MTR: variants seen among roughly 807,000 people sequenced by gnomAD.
MTR encodes methionine synthase.
MTR carries 84 observed loss-of-function variants against 154.8 expected under a neutral mutation model. That is an observed-to-expected ratio of 0.54 (90% CI 0.45 to 0.65). The LOEUF (loss-of-function observed/expected upper bound fraction) is 0.65, where lower values mean the gene tolerates loss of function less well. Ranked by LOEUF, MTR falls within the 30% of genes least tolerant of loss-of-function variation. The pLI, the probability that MTR is intolerant of heterozygous loss-of-function variation, is 0.00. For synonymous variants in MTR, 554 were observed against 553.9 expected, an observed-to-expected ratio of 1.00 and a Z score of 0.00; for missense variants, 1,275 against 1,570.2, an observed-to-expected ratio of 0.81 and a Z score of 3.18.
At chr1:236,861,006 T>C (rs1664502938) in intron 19 of MTR, 119 bp from the exon 20 acceptor site, 2 of 852,906 alleles carry the variant, frequency 2.3e-6, no homozygotes, top group South Asian at 1.7e-5. Flanking sequence ...TGCACTCTGC[T>C]TCTGGAACCT....
chr1:236,835,471 G>C, intron 13 of MTR, 76 bp from the exon 14 acceptor site: 1 of 1,569,832 alleles, frequency 6.4e-7, no homozygotes, highest in Non-Finnish European at 8.8e-7. Context: ...GCTGGGAAGG[G>C]TAAGGAATTA....
At chr1:236,869,553 C>G (rs956860670) in intron 22 of MTR, among the ~76,000 whole-genome samples, 8 of 152,190 alleles carry the variant, frequency 5.3e-5, no homozygotes, top group African/African-American at 1.9e-4. Flanking sequence ...CCGTAACATT[C>G]ATTTTTATTC....
At chr1:236,862,094 C>T (rs934826363) in intron 20 of MTR, 142 bp from the exon 21 acceptor site, 3 of 754,666 alleles carry the variant, frequency 4.0e-6, no homozygotes, top group Non-Finnish European at 2.4e-6. Context: ...ATCCTTTGTT[C>T]TGCCTACTGT....
chr1:236,795,664 T>G lies in MTR; in HGVS notation c.-40T>G, dbSNP rs546758701. ...GTCGTCACCTGTGGAGAGCACGTCT[T>G]CTCTGCCGCGCCCTCTGCGCAAGGA... is the stretch of plus-strand genomic sequence containing the variant. On this transcript the variant is annotated 5_prime_UTR_variant, in exon 1 of 33. Coordinates refer to ENST00000366577, the MANE Select transcript of MTR (RefSeq NM_000254.3). 5.6e-6 allele frequency: 9 copies of G among 1,613,420 alleles called. No individual in the cohort carries two copies. In the South Asian group the frequency reaches 8.8e-5, roughly 16 times the overall value.
rs1346963393 is a variant in MTR, at chr1:236,799,914, A to G, written c.35-3514A>G. 2.4e-5 allele frequency: 7 copies of G among 294,864 alleles called. No individual in the cohort carries two copies. In the East Asian group the frequency reaches 1.0e-3, roughly 44 times the overall value. The allele number at this position is 294,864 out of a possible 1,614,324, so 18.3% of individuals were successfully genotyped here. The stretch of plus-strand genomic sequence containing the variant: ...GTTTGTCAGGTTTCTGAAAAACCAA[A>G]GCAGATGTTTTTAAACAGCTTTTGA... On this transcript the variant is annotated intron_variant, in intron 1 of 32. Coordinates refer to ENST00000366577, the MANE Select transcript of MTR (RefSeq NM_000254.3).
chr1:236,851,539 C>T (rs1339992842), intron 16 of MTR, among the ~76,000 whole-genome samples: 1 of 152,140 alleles, frequency 6.6e-6, no homozygotes, highest in African/African-American at 2.4e-5. Context: ...ATGCACAAAA[C>T]AAGGTTATGT....
At chr1:236,884,172 T>C (rs147600431) in intron 25 of MTR, among the ~76,000 whole-genome samples, 1 of 152,318 alleles carries the variant, frequency 6.6e-6, no homozygotes, top group East Asian at 1.9e-4. Context: ...CTATGAAGAT[T>C]AGCCTCATTC....
At chr1:236,840,789 T>C (rs994790950) in intron 15 of MTR, among the ~76,000 whole-genome samples, 6 of 152,240 alleles carry the variant, frequency 3.9e-5, no homozygotes, top group African/African-American at 1.4e-4. Flanking sequence ...TCTAATTTTT[T>C]AGTAGCATGA....
chr1:236,814,798 T>C (rs866994780), intron 6 of MTR, among the ~76,000 whole-genome samples: 1 of 152,328 alleles, frequency 6.6e-6, no homozygotes, highest in Middle Eastern at 3.4e-3. Flanking sequence ...TATTCTTATA[T>C]GTTTGTTTTC....
At chr1:236,807,093 A>G (rs112705551) in intron 3 of MTR, among the ~76,000 whole-genome samples, 54 of 152,320 alleles carry the variant, frequency 3.5e-4, no homozygotes, top group African/African-American at 9.4e-4. Context: ...TTTTTTGTAT[A>G]TATACACAGA....
chr1:236,861,048 G>A lies in MTR; in HGVS notation c.2044-77G>A, dbSNP rs1572280883. 1.3e-5 allele frequency: 17 copies of A among 1,278,078 alleles called. No homozygotes were observed. In the East Asian group the frequency reaches 4.3e-4, roughly 32 times the overall value. The allele number at this position is 1,278,078 out of a possible 1,614,324, so 79.2% of individuals were successfully genotyped here. ...TTAGGCATTTTCATGATGGCTCTGTGGAGGTAAGGCAGTTTTTTAGGTGAT... is the reference window on the plus strand; with the variant it reads ...TTAGGCATTTTCATGATGGCTCTGTAGAGGTAAGGCAGTTTTTTAGGTGAT... On this transcript the variant is annotated intron_variant, in intron 19 of 32. Transcript: ENST00000366577.
Position 236,886,484 on chromosome 1 carries a change from G to A in MTR, c.2851+117G>A, listed in dbSNP as rs576277462. ...CCAGCAGCTAACGACTCTCAACTGT[G>A]TCTAATGCTGATGAGTGACTGATGA... On this transcript the variant is annotated intron_variant, in intron 27 of 32. Coordinates refer to ENST00000366577, the MANE Select transcript of MTR (RefSeq NM_000254.3). 1.4e-5 allele frequency: 12 copies of A among 886,252 alleles called. No individual in the cohort carries two copies. In the South Asian group the frequency reaches 1.7e-4, roughly 13 times the overall value. 54.9% of individuals were successfully genotyped at this position (886,252 alleles called of 1,614,324 possible).
chr1:236,853,277 C>A (rs1664024761), intron 18 of MTR, among the ~76,000 whole-genome samples, 189 bp downstream of exon 18: 1 of 152,048 alleles, frequency 6.6e-6, no homozygotes, highest in Non-Finnish European at 1.5e-5. Context: ...ACAGACCATG[C>A]CTAGGGTGCT....
intron 29 of MTR, among the ~76,000 whole-genome samples, chr1:236,892,013 TC>T (rs982702933): frequency 1.2e-4 from 18 of 151,736 alleles, no homozygotes; most frequent in African/African-American, 4.1e-4. Flanking sequence ...TTGTCTCTCA[TC>T]CCCCCCACCT....
chr1:236,835,687 G>A lies in MTR; in HGVS notation c.1329G>A (p.Lys443=), dbSNP rs1403121358. 2 of 1,613,040 alleles carry A rather than the reference G, an allele frequency of 1.2e-6. No individual in the cohort carries two copies. Among genetic ancestry groups the A allele is most frequent in the Non-Finnish European group, 1.7e-6 (2 of 1,179,840 alleles). The change falls in exon 14 of 33, where the codon AAG becomes AAA. Residue 443 remains lysine, a splice_region_variant and synonymous_variant. Coordinates refer to ENST00000366577, the MANE Select transcript of MTR (RefSeq NM_000254.3). ...NLIASEPDIA[K]VPLCIDSSNF... is the part of the protein sequence containing the mutation. Reference sequence around the variant, plus strand: ...TTGCTTCCGAGCCAGACATCGCAAAGGTTATACAAAGTTTATGTTTATCAG... The same window carrying A: ...TTGCTTCCGAGCCAGACATCGCAAAAGTTATACAAAGTTTATGTTTATCAG...
chr1:236,895,877 C>G (rs1256679785), intron 31 of MTR, among the ~76,000 whole-genome samples: 1 of 152,234 alleles, frequency 6.6e-6, no homozygotes, highest in African/African-American at 2.4e-5. Flanking sequence ...TAATCCCTCC[C>G]TTAGAGACCG....
intron 1 of MTR, among the ~76,000 whole-genome samples, chr1:236,799,071 T>TA (rs1660560156): frequency 6.6e-6 from 1 of 152,106 alleles, no homozygotes; most frequent in Non-Finnish European, 1.5e-5. Flanking sequence ...TGGGAAATCT[T>TA]ACATTATCCT....
chr1:236,871,879 A>G (rs1454947922), intron 22 of MTR, among the ~76,000 whole-genome samples: 2 of 152,140 alleles, frequency 1.3e-5, no homozygotes, highest in Non-Finnish European at 2.9e-5. Context: ...AGTACAAGCT[A>G]AAAATCCAGT....
intron 18 of MTR, among the ~76,000 whole-genome samples, chr1:236,856,925 C>A (rs1664244798): frequency 6.6e-6 from 1 of 152,182 alleles, no homozygotes; most frequent in Admixed American, 6.5e-5. Flanking sequence ...TTTATCCAGT[C>A]TATCATTGAT....
Sources: gnomAD v4.1 joint callset for allele counts (sites outside exome capture counted in the v4.1 genomes callset) on GRCh38, gnomAD v4.1.1 for gene constraint, MANE v1.5 for transcripts, NCBI Gene and HGNC (gene_info 2026-07-23, HGNC 2026-07-21) for gene names.